PHLPP1: variants seen among roughly 807,000 people sequenced by gnomAD.
PHLPP1 encodes PH domain leucine-rich repeat-containing protein phosphatase 1.
In PHLPP1, 42 loss-of-function variants were observed where a neutral mutation model predicts 117.2. The ratio of observed to expected loss-of-function variants is 0.36; its 90% confidence interval spans 0.28 to 0.46. The LOEUF is 0.46. PHLPP1 is among the 20% of genes least tolerant of loss of function. The pLI is 1.00. For synonymous variants in PHLPP1, 1,042 were observed against 970.7 expected (o/e 1.07, Z -1.37); for missense variants, 2,084 against 2,241.9 (o/e 0.93, Z 1.42).
intron 1 of PHLPP1, among the ~76,000 whole-genome samples, chr18:62,761,674 A>T (rs1473924656): frequency 5.3e-5 from 8 of 151,800 alleles, no homozygotes; most frequent in South Asian, 2.1e-4. Context: ...AAATAAAAAA[A>T]AAAAGAAATG....
chr18:62,878,422 C>T (rs895038866), intron 4 of PHLPP1, among the ~76,000 whole-genome samples: 8 of 152,204 alleles, frequency 5.3e-5, no homozygotes, highest in African/African-American at 1.7e-4. Flanking sequence ...TTCTGGAGCT[C>T]ATTCAGACAA....
chr18:62,817,915 C>T (rs915589231), intron 1 of PHLPP1, among the ~76,000 whole-genome samples: 2 of 132,444 alleles, frequency 1.5e-5, no homozygotes, highest in Non-Finnish European at 3.1e-5. Context: ...AGTGTAGTGG[C>T]GAGATCTCGG....
chr18:62,768,699 C>T (rs1351418101), intron 1 of PHLPP1, among the ~76,000 whole-genome samples: 1 of 152,090 alleles, frequency 6.6e-6, no homozygotes, highest in Non-Finnish European at 1.5e-5. Flanking sequence ...AAAGAGGCTG[C>T]TCTAGGCATT....
intron 1 of PHLPP1, among the ~76,000 whole-genome samples, chr18:62,747,755 A>G (rs1284761691): frequency 6.6e-6 from 1 of 152,124 alleles, no homozygotes; most frequent in Non-Finnish European, 1.5e-5. Context: ...CCTGGGCTCA[A>G]GTGATCCTCT....
At chr18:62,755,268 T>A (rs1417425810) in intron 1 of PHLPP1, among the ~76,000 whole-genome samples, 1 of 151,952 alleles carries the variant, frequency 6.6e-6, no homozygotes. Context: ...CCTGATCCTG[T>A]CATGCTCTGT....
At position 62,716,903 on chromosome 18, in the gene PHLPP1, C is replaced by T; in HGVS notation, c.1220C>T (p.Pro407Leu). The T allele has an allele frequency of 2.0e-6, 3 of 1,532,396 alleles. No homozygotes were observed. The highest frequency in any genetic ancestry group is 1.2e-5 in the South Asian group (1 of 83,706). 94.9% of individuals were successfully genotyped at this position (1,532,396 alleles called of 1,614,324 possible). A position where few individuals can be genotyped will look rare whatever the true frequency, so the allele number is the denominator to read the frequency against. Residue 407 changes from proline to leucine, a missense_variant, in exon 1 of 17, where the codon CCC becomes CTC. By Grantham distance (98) the Pro-to-Leu change is moderately conservative. Coordinates refer to ENST00000262719, the MANE Select transcript of PHLPP1 (RefSeq NM_194449.4). The surrounding 1 kb of genome is among the most constrained non-coding windows in gnomAD (Gnocchi z 5.7). ...CACCCCGCGCAGCCCCTCCCGCTTC[C>T]CCAGACGGCTTCCTCGCCTCAGCCG... ...PGHPAQPLPL[P>L]QTASSPQPQQ...
intron 4 of PHLPP1, among the ~76,000 whole-genome samples, chr18:62,872,314 C>T (rs999794172): frequency 1.3e-5 from 2 of 152,148 alleles, no homozygotes; most frequent in Non-Finnish European, 2.9e-5. Context: ...GCCTCCATTC[C>T]GTCTCTTGTG....
chr18:62,973,308 A>G (rs941958192), intron 15 of PHLPP1, among the ~76,000 whole-genome samples: 1 of 152,196 alleles, frequency 6.6e-6, no homozygotes, highest in Non-Finnish European at 1.5e-5. Flanking sequence ...TTGCTGTAGA[A>G]ATTGTGGAAT....
At chr18:62,742,358 T>G (rs1444779798) in intron 1 of PHLPP1, among the ~76,000 whole-genome samples, 1 of 152,192 alleles carries the variant, frequency 6.6e-6, no homozygotes, top group South Asian at 2.1e-4. Flanking sequence ...CTCTATGTTA[T>G]CTGAGGCCCC....
chr18:62,810,476 G>C (rs1475130331), intron 1 of PHLPP1, among the ~76,000 whole-genome samples: 2 of 152,050 alleles, frequency 1.3e-5, no homozygotes, highest in African/African-American at 4.8e-5. Flanking sequence ...TCAATATACT[G>C]TACTTAGGGT....
chr18:62,864,411 A>T (rs1330219945), intron 4 of PHLPP1, among the ~76,000 whole-genome samples: 1 of 151,974 alleles, frequency 6.6e-6, no homozygotes, highest in African/African-American at 2.4e-5. Flanking sequence ...CTGAATAGGG[A>T]CAATGATATT....
chr18:62,716,548 G>C lies in PHLPP1; in HGVS notation c.865G>C (p.Gly289Arg), dbSNP rs1038795971. The change falls in exon 1 of 17, where the codon GGT (glycine) becomes CGT (arginine). Residue 289 changes from glycine (G) to arginine (R), a missense_variant. Gly to Arg is a moderately radical substitution (Grantham distance 125). Coordinates refer to ENST00000262719, the MANE Select transcript of PHLPP1 (RefSeq NM_194449.4). This position sits in a 1 kb window ranked among gnomAD's most constrained non-coding sequence, Gnocchi z 5.7. ...GGTACCGCCCGCGAGGAGCGCGCCG[G>C]GTGCCTTCGGGGGGCCTCCGCGCGC... Reference protein sequence around the residue: ...SEVPPARSAPGAFGGPPRAPP... With the variant: ...SEVPPARSAPRAFGGPPRAPP... 3.0e-5 allele frequency: 35 copies of C among 1,183,936 alleles called. No individual in the cohort carries two copies. The African/African-American group carries it at 5.1e-4, about 17-fold the overall frequency. 73.3% of individuals were successfully genotyped at this position (1,183,936 alleles called of 1,614,324 possible). A position where few individuals can be genotyped will look rare whatever the true frequency, so the allele number is the denominator to read the frequency against.
Position 62,762,058 on chromosome 18 carries a change from A to T in PHLPP1, c.1576+44799A>T, listed in dbSNP as rs963206749. On this transcript the variant is annotated intron_variant, in intron 1 of 16. Coordinates refer to ENST00000262719, the MANE Select transcript of PHLPP1 (RefSeq NM_194449.4). ...CTAAGTAATATTTTTTATTCTTAAT[A>T]ACAATTAATATGGATTTTTAAATTA... Among the ~76,000 whole-genome samples the T allele has an allele frequency of 7.2e-5, 11 of 152,146 alleles. No homozygotes were observed. The South Asian group carries it at 1.2e-3, about 17-fold the overall frequency.
chr18:62,823,229 TAAA>T (rs1914516992), intron 1 of PHLPP1, among the ~76,000 whole-genome samples: 1 of 151,730 alleles, frequency 6.6e-6, no homozygotes, highest in Non-Finnish European at 1.5e-5. Context: ...CTCAAGAAAA[TAAA>T]AAAGTAAGCC....
Position 62,975,520 on chromosome 18 carries a change from A to G in PHLPP1, c.3879A>G (p.Thr1293=), listed in dbSNP as rs759060000. 2 of 1,613,832 alleles carry G rather than the reference A, an allele frequency of 1.2e-6. No individual in the cohort carries two copies. Among genetic ancestry groups the G allele is most frequent in the African/African-American group, 2.7e-5 (2 of 74,932 alleles). Residue 1293 remains threonine (T), a synonymous_variant, in exon 16 of 17, where the codon ACA becomes ACG. Coordinates refer to ENST00000262719, the MANE Select transcript of PHLPP1 (RefSeq NM_194449.4). ...CTGCTAATGTGGGCAAGTGCCAAACAGTTCTCTGTCGAAATGGAAAGCCGC... is the reference window on the plus strand; with the variant it reads ...CTGCTAATGTGGGCAAGTGCCAAACGGTTCTCTGTCGAAATGGAAAGCCGC... ...LTSANVGKCQ[T]VLCRNGKPLP...
At chr18:62,874,700 CTCTG>C (rs1916004227) in intron 4 of PHLPP1, among the ~76,000 whole-genome samples, 4 of 151,990 alleles carry the variant, frequency 2.6e-5, no homozygotes, top group African/African-American at 9.7e-5. Flanking sequence ...CACTCTCGCT[CTCTG>C]TCTCTCTCTG....
chr18:62,750,215 GA>G (rs1445715922), intron 1 of PHLPP1, among the ~76,000 whole-genome samples: 1 of 152,126 alleles, frequency 6.6e-6, no homozygotes, highest in African/African-American at 2.4e-5. Flanking sequence ...AAATCAGCTT[GA>G]AACACCCATT....
At chr18:62,936,767 A>G (rs923313309) in intron 10 of PHLPP1, among the ~76,000 whole-genome samples, 7 of 152,394 alleles carry the variant, frequency 4.6e-5, no homozygotes, top group African/African-American at 1.4e-4. Context: ...AAAAACATCA[A>G]GGTCATCTAA....
At chr18:62,893,528 CT>C (rs1393122539) in intron 4 of PHLPP1, among the ~76,000 whole-genome samples, 2 of 152,170 alleles carry the variant, frequency 1.3e-5, no homozygotes, top group African/African-American at 4.8e-5. Context: ...AACACTCAAC[CT>C]GTCAAATAGG....
Sources: gnomAD v4.1 joint callset for allele counts (sites outside exome capture counted in the v4.1 genomes callset) on GRCh38, gnomAD v4.1.1 for gene constraint, Gnocchi (gnomAD v3.1) non-coding constraint, MANE v1.5 for transcripts, NCBI Gene and HGNC (gene_info 2026-07-23, HGNC 2026-07-21) for gene names.